SELP: variants seen among roughly 807,000 people sequenced by gnomAD.
SELP encodes selectin P, also known as P-selectin.
Under a neutral mutation model 104.1 loss-of-function variants are expected in SELP, and 92 were observed. The observed-to-expected ratio is 0.88, with a 90% CI of 0.75 to 1.05. The LOEUF (loss-of-function observed/expected upper bound fraction) is 1.05, where lower values mean the gene tolerates loss of function less well. Ranked by LOEUF, SELP falls within the 50% of genes least tolerant of loss-of-function variation. The pLI is 0.00. For synonymous variants in SELP, 397 were observed against 364.5 expected, an observed-to-expected ratio of 1.09 and a Z score of -1.01; for missense variants, 1,022 against 1,017.3, an observed-to-expected ratio of 1.00 and a Z score of -0.06.
chr1:169,594,981 TA>T (rs1661532159), intron 12 of SELP, 104 bp from the exon 13 acceptor site: 2 of 1,037,596 alleles, frequency 1.9e-6, no homozygotes, highest in African/African-American at 1.6e-5. Flanking sequence ...AGGCAGAATG[TA>T]AAAGGTCAGA....
At chr1:169,621,428 T>TTGTGTGTGTG (rs57079522) in intron 1 of SELP, among the ~76,000 whole-genome samples, 4 of 130,790 alleles carry the variant, frequency 3.1e-5, no homozygotes, top group Admixed American at 7.6e-5. Context: ...CAGTGTGAGG[T>TTGTGTGTGTG]TGTGTGTGTG....
intron 1 of SELP, among the ~76,000 whole-genome samples, chr1:169,622,029 A>G (rs185630092): frequency 3.9e-5 from 6 of 152,354 alleles, no homozygotes; most frequent in African/African-American, 1.2e-4. Context: ...CAACTTTCAC[A>G]TATATACTTT....
chr1:169,613,178 T>C, intron 4 of SELP, 64 bp from the exon 5 acceptor site: 1 of 1,437,736 alleles, frequency 7.0e-7, no homozygotes, highest in Non-Finnish European at 9.3e-7. Flanking sequence ...TCATGTTTGC[T>C]GAAAGCTGTA....
Position 169,617,082 on chromosome 1 carries a change from C to T in SELP, c.427G>A (p.Gly143Ser), listed in dbSNP as rs1459316320. ...AAGCAGTGCTCATCATTCCACTTGC[C>T]AGGGGCTGACGGACTCTTGATGTAT... ...EIYIKSPSAP[G>S]KWNDEHCLKK... The change falls in exon 3 of 17, where the codon GGC becomes AGC. Residue 143 changes from glycine to serine, a missense_variant. Gly to Ser is a moderately conservative substitution (Grantham distance 56, BLOSUM62 0). Transcript: ENST00000263686. The T allele has an allele frequency of 1.2e-6, 2 of 1,613,898 alleles. No individual in the cohort carries two copies. The highest frequency in any genetic ancestry group is 1.3e-5 in the African/African-American group (1 of 74,936).
intron 7 of SELP, among the ~76,000 whole-genome samples, chr1:169,610,138 A>AC (rs1357576105): frequency 1.9e-4 from 29 of 152,082 alleles, no homozygotes; most frequent in Non-Finnish European, 2.6e-4. Flanking sequence ...TGTGAAATTG[A>AC]ACCTGAAAAG....
intron 14 of SELP, 80 bp downstream of exon 14, chr1:169,593,525 C>T: frequency 3.8e-6 from 5 of 1,303,016 alleles, no homozygotes; most frequent in South Asian, 2.8e-5. Context: ...TGGTTTTTGC[C>T]TCCCCACCCT....
chr1:169,627,844 A>G (rs894936157), intron 1 of SELP, among the ~76,000 whole-genome samples: 1 of 152,218 alleles, frequency 6.6e-6, no homozygotes, highest in African/African-American at 2.4e-5. Context: ...TAAGGTGGTT[A>G]AAAGGTATAA....
intron 1 of SELP, among the ~76,000 whole-genome samples, chr1:169,622,952 T>C (rs2101928557): frequency 6.6e-6 from 1 of 152,332 alleles, no homozygotes; most frequent in East Asian, 1.9e-4. Context: ...AGAAATTATG[T>C]AACAATTTTA....
At chr1:169,605,925 T>C (rs962542119) in intron 9 of SELP, among the ~76,000 whole-genome samples, 3 of 152,264 alleles carry the variant, frequency 2.0e-5, no homozygotes, top group Middle Eastern at 3.4e-3. Context: ...ATATAAAAAA[T>C]ATACGTCTAT....
chr1:169,599,992 A>G (rs1244478643), intron 10 of SELP, among the ~76,000 whole-genome samples: 1 of 152,204 alleles, frequency 6.6e-6, no homozygotes, highest in Non-Finnish European at 1.5e-5. Flanking sequence ...AGTCTGTATC[A>G]TGAAAGTGGT....
chr1:169,624,620 A>T (rs781779210), intron 1 of SELP, among the ~76,000 whole-genome samples: 22 of 152,080 alleles, frequency 1.4e-4, no homozygotes, highest in Non-Finnish European at 3.1e-4. Flanking sequence ...ATAGTGGCAC[A>T]TGTCTGTAGT....
rs1662583585 is a variant in SELP, at chr1:169,612,338, T to C, written c.840A>G (p.Lys280=). ...RGNMTCLHSA[K]AFQHQSSCSF... is the part of the protein sequence containing the mutation. ...TGCAGCTAGACTGATGCTGGAATGCTTTTGCAGAATGAAGGCAGGTCATGT... is the reference window on the plus strand; with the variant it reads ...TGCAGCTAGACTGATGCTGGAATGCCTTTGCAGAATGAAGGCAGGTCATGT... The change falls in exon 6 of 17, where the codon AAA becomes AAG. Residue 280 remains lysine (K), a synonymous_variant. Coordinates refer to ENST00000263686, the MANE Select transcript of SELP (RefSeq NM_003005.4). The C allele has an allele frequency of 1.2e-6, 2 of 1,614,060 alleles. No homozygotes were observed. The highest frequency in any genetic ancestry group is 1.7e-6 in the Non-Finnish European group (2 of 1,180,030).
Position 169,616,875 on chromosome 1 carries a change from G to A in SELP, c.481+153C>T, listed in dbSNP as rs78272621. 2.6e-4 allele frequency among the ~76,000 whole-genome samples: 39 copies of A among 151,812 alleles called. No individual in the cohort carries two copies. In the East Asian group the frequency reaches 6.8e-3, roughly 26 times the overall value. ...TAATTCTGATCTTATATTCTTCAAG[G>A]TGCTCAATAATACTGATTGACTAAC... On this transcript the variant is annotated intron_variant, in intron 3 of 16. Coordinates refer to ENST00000263686, the MANE Select transcript of SELP (RefSeq NM_003005.4).
At chr1:169,625,209 T>C (rs997184089) in intron 1 of SELP, among the ~76,000 whole-genome samples, 2 of 152,214 alleles carry the variant, frequency 1.3e-5, no homozygotes, top group African/African-American at 2.4e-5. Flanking sequence ...TTCCTTGACC[T>C]TTCTGTAGCA....
Position 169,611,480 on chromosome 1 carries a change from GA to G in SELP, c.1147+11del, listed in dbSNP as rs773196163. On this transcript the variant is annotated intron_variant, in intron 7 of 16. Transcript: ENST00000263686. ...CTTGGACAGAATGGAGGTTGCTAAT[GA>G]AAAATCCTACCCTCACAGGTTGGCA... 1.2e-6 allele frequency: 2 copies of G among 1,612,876 alleles called. No homozygotes were observed. Among genetic ancestry groups the G allele is most frequent in the South Asian group, 1.1e-5 (1 of 91,012 alleles).
intron 10 of SELP, 132 bp downstream of exon 10, chr1:169,602,894 T>C (rs1011409849): frequency 8.2e-6 from 5 of 611,058 alleles, no homozygotes; most frequent in Non-Finnish European, 1.0e-5. Context: ...AGAACTTTTT[T>C]ATCTAGATTA....
chr1:169,625,662 A>G (rs1663339470), intron 1 of SELP, among the ~76,000 whole-genome samples: 2 of 152,364 alleles, frequency 1.3e-5, no homozygotes, highest in African/African-American at 4.8e-5. Flanking sequence ...GGATAAATAT[A>G]TGAATGAATA....
chr1:169,595,593 C>T (rs1661566893), intron 12 of SELP, among the ~76,000 whole-genome samples: 1 of 152,176 alleles, frequency 6.6e-6, no homozygotes, highest in Admixed American at 6.5e-5. Flanking sequence ...TTTATACTGT[C>T]ACATAATATG....
At chr1:169,595,449 T>C (rs1209131862) in intron 12 of SELP, among the ~76,000 whole-genome samples, 2 of 152,210 alleles carry the variant, frequency 1.3e-5, no homozygotes, top group Non-Finnish European at 2.9e-5. Context: ...CACTGTGCTA[T>C]GTTTTGTGGG....
Sources: gnomAD v4.1 joint callset for allele counts (sites outside exome capture counted in the v4.1 genomes callset) on GRCh38, gnomAD v4.1.1 for gene constraint, MANE v1.5 for transcripts, NCBI Gene and HGNC (gene_info 2026-07-23, HGNC 2026-07-21) for gene names.